PSIP1: variants seen among roughly 807,000 people sequenced by gnomAD.
PSIP1 encodes PC4 and SFRS1-interacting protein.
In PSIP1, 19 loss-of-function variants were observed where a neutral mutation model predicts 74.7. That is an observed-to-expected ratio of 0.25 (90% CI 0.18 to 0.37). PSIP1 has a LOEUF of 0.37. Among genes scored for constraint, PSIP1 ranks in the 10% least tolerant of loss-of-function variants. The probability of loss-of-function intolerance (pLI) is 1.00; values close to 1 mark genes in which losing one functional copy is unlikely to be tolerated. For missense variants in PSIP1, 601 were observed against 614.3 expected (o/e 0.98, Z 0.23); for synonymous variants, 222 against 195.3 (o/e 1.14, Z -1.14).
In PSIP1 at chr9:15,487,121, GC is replaced by G. The variant is rs2036589944; in HGVS notation, c.289-191del. ...AAGGCATCCTCCCTCCTCAGCCTGA[GC>G]CCAGGAGGTCGAGGCTGTAGTGAAC... On this transcript the variant is annotated intron_variant, in intron 4 of 15. Coordinates refer to ENST00000380733, the MANE Select transcript of PSIP1 (RefSeq NM_033222.5). Among the ~76,000 whole-genome samples, 3 of 150,960 alleles carry G rather than the reference GC, an allele frequency of 2.0e-5. No individual in the cohort carries two copies. In the South Asian group the frequency reaches 6.4e-4, roughly 32 times the overall value.
intron 3 of PSIP1, chr9:15,506,357 T>G (rs2037587478): frequency 4.8e-6 from 2 of 413,384 alleles, no homozygotes; most frequent in Admixed American, 7.8e-5. Context: ...TCCTTTTTGG[T>G]TAAGGAAATA....
chr9:15,470,698 A>C, intron 10 of PSIP1: 2 of 935,442 alleles, frequency 2.1e-6, no homozygotes, highest in Non-Finnish European at 2.6e-6. Context: ...TAACAAGTCT[A>C]CTACTGTTTA....
chr9:15,470,959 CAG>C (rs2035801517), intron 10 of PSIP1: 1 of 683,820 alleles, frequency 1.5e-6, no homozygotes, highest in Non-Finnish European at 1.7e-6. Context: ...AAAAAAAAAA[CAG>C]GAATGATGGC....
intron 15 of PSIP1, 22 bp from the exon 16 acceptor site, chr9:15,465,602 A>G (rs773768174): frequency 6.5e-7 from 1 of 1,532,398 alleles, no homozygotes; most frequent in Non-Finnish European, 8.9e-7. Context: ...GGGGAAAGGT[A>G]CAACTGGAAT....
At chr9:15,485,560 T>C (rs1296185737) in intron 6 of PSIP1, among the ~76,000 whole-genome samples, 1 of 152,234 alleles carries the variant, frequency 6.6e-6, no homozygotes, top group Non-Finnish European at 1.5e-5. Context: ...GCCTACTATG[T>C]ACCTAACCTT....
intron 4 of PSIP1, among the ~76,000 whole-genome samples, chr9:15,488,849 G>C (rs549371543): frequency 1.3e-5 from 2 of 152,048 alleles, no homozygotes; most frequent in African/African-American, 4.8e-5. Flanking sequence ...GTGAAACCCC[G>C]TCTCTACTAA....
rs2035746726 is a variant in PSIP1 at position 15,469,339 on chromosome 9, A to G, written c.1034-3T>C. Reference sequence around the variant, plus strand: ...AAGTCGAGAATCCATTGATGTTTCTACAAATTAAAATATGTGAAAAACAGT... The same window carrying G: ...AAGTCGAGAATCCATTGATGTTTCTGCAAATTAAAATATGTGAAAAACAGT... On this transcript the variant is annotated splice_polypyrimidine_tract_variant and splice_region_variant and intron_variant, in intron 11 of 15. Coordinates refer to ENST00000380733, the MANE Select transcript of PSIP1 (RefSeq NM_033222.5). 6.5e-7 allele frequency: 1 copy of G among 1,546,412 alleles called. No homozygotes were observed. The highest frequency in any genetic ancestry group is 8.8e-7 in the Non-Finnish European group (1 of 1,136,476).
chr9:15,477,494 C>T (rs1308323421), intron 8 of PSIP1, among the ~76,000 whole-genome samples: 1 of 152,132 alleles, frequency 6.6e-6, no homozygotes, highest in Non-Finnish European at 1.5e-5. Flanking sequence ...TAGTGTTCTA[C>T]AATTAGAATT....
At chr9:15,507,520 T>G (rs1371525003) in intron 2 of PSIP1, among the ~76,000 whole-genome samples, 3 of 151,966 alleles carry the variant, frequency 2.0e-5, no homozygotes, top group African/African-American at 7.3e-5. Context: ...CGGTGTCAGG[T>G]GCCTGTAATC....
At chr9:15,493,980 A>G (rs1309033885) in intron 3 of PSIP1, among the ~76,000 whole-genome samples, 2 of 152,204 alleles carry the variant, frequency 1.3e-5, no homozygotes, top group East Asian at 1.9e-4. Context: ...TCCCCACATC[A>G]GTGAGTCATA....
intron 3 of PSIP1, among the ~76,000 whole-genome samples, chr9:15,492,894 T>C (rs1199230995): frequency 6.6e-6 from 1 of 152,194 alleles, no homozygotes; most frequent in Non-Finnish European, 1.5e-5. Flanking sequence ...CTGGAGCAGC[T>C]GGGACACAGG....
chr9:15,479,519 G>A lies in PSIP1; in HGVS notation c.553+72C>T, dbSNP rs1023722684. ...ATTTGCTTCATTCCAAAATATTTGAGGCAGCAACACTTTAAATGGACTGGA... is the reference window on the plus strand; with the variant it reads ...ATTTGCTTCATTCCAAAATATTTGAAGCAGCAACACTTTAAATGGACTGGA... On this transcript the variant is annotated intron_variant, in intron 7 of 15. Coordinates refer to ENST00000380733, the MANE Select transcript of PSIP1 (RefSeq NM_033222.5). 10 of 1,189,750 alleles carry A rather than the reference G, an allele frequency of 8.4e-6. No individual in the cohort carries two copies. In the African/African-American group the frequency reaches 1.3e-4, roughly 15 times the overall value. The allele number at this position is 1,189,750 out of a possible 1,614,324, so 73.7% of individuals were successfully genotyped here. A position where few individuals can be genotyped will look rare whatever the true frequency, so the allele number is the denominator to read the frequency against.
intron 5 of PSIP1, 68 bp from the exon 6 acceptor site, chr9:15,486,136 C>G (rs1587498702): frequency 7.5e-7 from 1 of 1,326,102 alleles, no homozygotes; most frequent in African/African-American, 1.5e-5. Flanking sequence ...CCTTGTTAAA[C>G]TAAAAGTTAC....
intron 4 of PSIP1, among the ~76,000 whole-genome samples, chr9:15,488,520 A>G (rs1031916935): frequency 6.6e-6 from 1 of 152,208 alleles, no homozygotes; most frequent in African/African-American, 2.4e-5. Context: ...TGATCCTATT[A>G]TAAAGCCATC....
chr9:15,490,552 G>A (rs181699893), intron 3 of PSIP1, among the ~76,000 whole-genome samples: 1,626 of 146,940 alleles, frequency 0.011, 14 homozygotes, highest in South Asian at 0.017. Context: ...GCGTGGTGGC[G>A]TGCACCTGTA....
Position 15,478,441 on chromosome 9 carries a change from AT to A in PSIP1, c.629+35del, listed in dbSNP as rs910927444. 5 of 1,442,434 alleles carry A rather than the reference AT, an allele frequency of 3.5e-6. No homozygotes were observed. In the African/African-American group the frequency reaches 7.0e-5, roughly 20 times the overall value. 89.4% of individuals were successfully genotyped at this position (1,442,434 alleles called of 1,614,324 possible). ...GTGCTTGTTTAAAGTCAAATGTCTC[AT>A]TTATTGCATAATTATACATTAAAAA... On this transcript the variant is annotated intron_variant, in intron 8 of 15. Coordinates refer to ENST00000380733, the MANE Select transcript of PSIP1 (RefSeq NM_033222.5).
chr9:15,504,464 G>C (rs941032838), intron 3 of PSIP1, among the ~76,000 whole-genome samples: 2 of 152,126 alleles, frequency 1.3e-5, no homozygotes, highest in African/African-American at 4.8e-5. Context: ...AGGATATATA[G>C]AAGTATAAAA....
At chr9:15,472,826 G>T in intron 9 of PSIP1, 76 bp from the exon 10 acceptor site, 1 of 1,364,118 alleles carries the variant, frequency 7.3e-7, no homozygotes, top group Non-Finnish European at 1.0e-6. Flanking sequence ...AATCTTGGGG[G>T]AAAAGCAGCA....
intron 15 of PSIP1, among the ~76,000 whole-genome samples, chr9:15,466,181 C>T (rs970763045): frequency 1.3e-5 from 2 of 152,166 alleles, no homozygotes; most frequent in South Asian, 2.1e-4. Context: ...AGTTCGAGGC[C>T]GGGCTGGCCA....
Sources: gnomAD v4.1 joint callset for allele counts (sites outside exome capture counted in the v4.1 genomes callset) on GRCh38, gnomAD v4.1.1 for gene constraint, MANE v1.5 for transcripts, NCBI Gene and HGNC (gene_info 2026-07-23, HGNC 2026-07-21) for gene names.